Variants in CHKA observed in about 807,000 individuals in gnomAD.
The protein encoded by CHKA is CHETK-alpha.
A neutral mutation model predicts 60.1 loss-of-function variants in CHKA; 34 were observed. The observed-to-expected ratio is 0.57, with a 90% CI of 0.43 to 0.75. The LOEUF is 0.75. CHKA is among the 30% of genes least tolerant of loss of function. CHKA has a pLI of 0.00. For synonymous variants in CHKA, 217 were observed against 223.1 expected (o/e 0.97, Z 0.24); for missense variants, 563 against 561.3 (o/e 1.00, Z -0.03).
intron 11 of CHKA, among the ~76,000 whole-genome samples, chr11:68,055,027 CG>C (rs1202219856): frequency 6.6e-6 from 1 of 152,214 alleles, no homozygotes; most frequent in South Asian, 2.1e-4. Flanking sequence ...TCTCAGTACA[CG>C]GATCTGGCAC....
intron 11 of CHKA, among the ~76,000 whole-genome samples, chr11:68,057,744 C>A (rs142383578): frequency 6.6e-6 from 1 of 152,322 alleles, no homozygotes; most frequent in East Asian, 1.9e-4. Flanking sequence ...TCAGTTTTTT[C>A]TCCACATGAC....
At chr11:68,076,708 G>A (rs1471227901) in intron 3 of CHKA, among the ~76,000 whole-genome samples, 3 of 152,160 alleles carry the variant, frequency 2.0e-5, no homozygotes, top group East Asian at 3.9e-4. Context: ...CTTTATTTAC[G>A]TGTGGCATCG....
chr11:68,100,486 A>G (rs907467266), intron 1 of CHKA, among the ~76,000 whole-genome samples: 67 of 152,156 alleles, frequency 4.4e-4, no homozygotes, highest in African/African-American at 1.6e-3. Flanking sequence ...GCTACTCAGG[A>G]GGCTGAGGCA....
chr11:68,083,718 C>T (rs180785260), intron 2 of CHKA, among the ~76,000 whole-genome samples: 2 of 152,194 alleles, frequency 1.3e-5, no homozygotes, highest in East Asian at 3.9e-4. Flanking sequence ...CTCCCCTGCC[C>T]ACTCCCTCAC....
chr11:68,056,342 A>G lies in CHKA; in HGVS notation c.1315-2295T>C, dbSNP rs374247341. On this transcript the variant is annotated intron_variant, in intron 11 of 11. Coordinates refer to ENST00000265689, the MANE Select transcript of CHKA (RefSeq NM_001277.3). Reference sequence around the variant, plus strand: ...CCTTCTGCCGTCCTTTCACCTGCCCAAAGCTAGACTCTAATCTGACTGTGG... The same window carrying G: ...CCTTCTGCCGTCCTTTCACCTGCCCGAAGCTAGACTCTAATCTGACTGTGG... Among the ~76,000 whole-genome samples the G allele has an allele frequency of 2.6e-3, 394 of 152,298 alleles. 17 individuals are homozygous for G. The South Asian group carries it at 0.078, about 30-fold the overall frequency.
At chr11:68,086,185 C>T (rs182644254) in intron 2 of CHKA, among the ~76,000 whole-genome samples, 2 of 152,096 alleles carry the variant, frequency 1.3e-5, no homozygotes, top group African/African-American at 2.4e-5. Flanking sequence ...TGGTGATGTG[C>T]GCCTGTAAGT....
intron 1 of CHKA, among the ~76,000 whole-genome samples, chr11:68,109,700 C>T: frequency 6.6e-6 from 1 of 152,186 alleles, no homozygotes; most frequent in East Asian, 1.9e-4. Context: ...TGCCTGTAGT[C>T]CAGCACCTGG....
intron 1 of CHKA, among the ~76,000 whole-genome samples, chr11:68,114,629 G>A (rs140223394): frequency 2.0e-5 from 3 of 151,990 alleles, no homozygotes; most frequent in African/African-American, 7.2e-5. Context: ...CCCGGAAGGC[G>A]GAGGTTGCAG....
At chr11:68,103,502 T>C (rs1857801604) in intron 1 of CHKA, among the ~76,000 whole-genome samples, 1 of 152,086 alleles carries the variant, frequency 6.6e-6, no homozygotes, top group Non-Finnish European at 1.5e-5. Context: ...CCTTACACAC[T>C]GTTGATGGCA....
In CHKA at chr11:68,053,912, C is replaced by T. The variant is rs1341964420; in HGVS notation, c.*76G>A. On this transcript the variant is annotated 3_prime_UTR_variant, in exon 12 of 12. Transcript: ENST00000265689. Reference sequence around the variant, plus strand: ...AGCCTCCTGCCACAGGAGCAGTAGTCGAAGCACAGAGGGGACCCCGCTCTG... The same window carrying T: ...AGCCTCCTGCCACAGGAGCAGTAGTTGAAGCACAGAGGGGACCCCGCTCTG... 5.5e-6 allele frequency: 7 copies of T among 1,268,794 alleles called. No homozygotes were observed. Among genetic ancestry groups the T allele is most frequent in the East Asian group, 2.4e-5 (1 of 41,878 alleles). The allele number at this position is 1,268,794 out of a possible 1,614,324, so 78.6% of individuals were successfully genotyped here. A position where few individuals can be genotyped will look rare whatever the true frequency, so the allele number is the denominator to read the frequency against.
At chr11:68,057,049 T>G (rs1372913021) in intron 11 of CHKA, among the ~76,000 whole-genome samples, 1 of 152,134 alleles carries the variant, frequency 6.6e-6, no homozygotes, top group Non-Finnish European at 1.5e-5. Context: ...GGGGTCTGAC[T>G]CTGTCCCCAC....
At chr11:68,070,674 G>C in intron 5 of CHKA, 50 bp downstream of exon 5, 3 of 1,582,046 alleles carry the variant, frequency 1.9e-6, no homozygotes, top group Non-Finnish European at 2.6e-6. Context: ...GGTACTTCTG[G>C]GAGCCACCAC....
intron 2 of CHKA, among the ~76,000 whole-genome samples, chr11:68,096,164 G>A (rs2134657212): frequency 6.6e-6 from 1 of 151,950 alleles, no homozygotes; most frequent in South Asian, 2.1e-4. Flanking sequence ...AGGAGTTTGA[G>A]ACCAGCCTGA....
At chr11:68,061,071 C>T (rs1203222618) in intron 11 of CHKA, among the ~76,000 whole-genome samples, 1 of 123,446 alleles carries the variant, frequency 8.1e-6, no homozygotes, top group Non-Finnish European at 1.7e-5. Context: ...GTTAAAAATA[C>T]TTTCTATTTC....
Position 68,112,133 on chromosome 11 carries a change from C to T in CHKA, c.350+8695G>A, listed in dbSNP as rs1478114390. On this transcript the variant is annotated intron_variant, in intron 1 of 11. Transcript: ENST00000265689. ...AAAAAAAATCTAGACAGACGTTACACTTCCCAAAAATTAAATCAAAATGGA... is the reference window on the plus strand; with the variant it reads ...AAAAAAAATCTAGACAGACGTTACATTTCCCAAAAATTAAATCAAAATGGA... 4.8e-5 allele frequency among the ~76,000 whole-genome samples: 7 copies of T among 146,642 alleles called. 1 individual carries two copies. The South Asian group carries it at 1.5e-3, about 32-fold the overall frequency.
chr11:68,104,473 T>A (rs1041767015), intron 1 of CHKA, among the ~76,000 whole-genome samples: 6 of 152,048 alleles, frequency 3.9e-5, no homozygotes, highest in Non-Finnish European at 8.8e-5. Context: ...CAGGCTGGAG[T>A]GCAATGGTGC....
intron 6 of CHKA, 87 bp downstream of exon 6, chr11:68,070,101 AG>A: frequency 1.0e-6 from 1 of 957,160 alleles, no homozygotes; most frequent in South Asian, 1.4e-5. Context: ...GTAAAATGCC[AG>A]ACATAAGGCA....
intron 4 of CHKA, 78 bp from the exon 5 acceptor site, chr11:68,070,935 G>A (rs1035776553): frequency 2.8e-6 from 4 of 1,450,630 alleles, no homozygotes; most frequent in South Asian, 1.2e-5. Context: ...TCTTAGGAAC[G>A]AGAAGTGTTT....
At chr11:68,097,180 T>C (rs1770449914) in intron 1 of CHKA, 50 bp from the exon 2 acceptor site, 1 of 1,395,824 alleles carries the variant, frequency 7.2e-7, no homozygotes, top group Admixed American at 1.8e-5. Context: ...GTGAGCTAAA[T>C]CACTCTTCTT....
Sources: gnomAD v4.1 joint callset for allele counts (sites outside exome capture counted in the v4.1 genomes callset) on GRCh38, gnomAD v4.1.1 for gene constraint, MANE v1.5 for transcripts, NCBI Gene and HGNC (gene_info 2026-07-23, HGNC 2026-07-21) for gene names.